INPP5A: variants seen among roughly 807,000 people sequenced by gnomAD.
INPP5A encodes the protein 43 kDa inositol polyphosphate 5-phophatase.
In INPP5A, 14 loss-of-function variants were observed where a neutral mutation model predicts 65.2. That is an observed-to-expected ratio of 0.21 (90% CI 0.14 to 0.34). INPP5A has a LOEUF of 0.34. INPP5A is among the 10% of genes least tolerant of loss of function. The probability of loss-of-function intolerance (pLI) is 1.00; values close to 1 mark genes in which losing one functional copy is unlikely to be tolerated. For synonymous variants in INPP5A, 207 were observed against 208.3 expected, an observed-to-expected ratio of 0.99 and a Z score of 0.05; for missense variants, 431 against 545.6, an observed-to-expected ratio of 0.79 and a Z score of 2.09.
rs112665277 is a variant in INPP5A, at chr10:132,674,656, A to G, written c.307-15736A>G. 6.7e-3 allele frequency among the ~76,000 whole-genome samples: 1,015 copies of G among 152,238 alleles called. 11 individuals carry two copies. Among genetic ancestry groups the G allele is most frequent in the African/African-American group, 0.023 (961 of 41,528 alleles). ...GACTTAATCAAGCCCAATCACATAC[A>G]TGCCACTTCCATTTGATGATGGAAT... On this transcript the variant is annotated intron_variant, in intron 4 of 15. Coordinates refer to ENST00000368594, the MANE Select transcript of INPP5A (RefSeq NM_005539.5). The surrounding 1 kb of genome is among the most constrained non-coding windows in gnomAD (Gnocchi z 4.4).
intron 2 of INPP5A, among the ~76,000 whole-genome samples, chr10:132,623,801 A>G (rs748330262): frequency 5.9e-5 from 9 of 152,258 alleles, no homozygotes; most frequent in Non-Finnish European, 8.8e-5. Flanking sequence ...AAAGCCAATA[A>G]TAAGAAAGCA....
Position 132,547,691 on chromosome 10 carries a change from G to T in INPP5A, c.75+9520G>T, listed in dbSNP as rs2070995809. Reference sequence around the variant, plus strand: ...AGCTTGAGGGGCTCTTTTTTCAAAGGGTTCCTCCGGGACGCCTCGCCTAGG... The same window carrying T: ...AGCTTGAGGGGCTCTTTTTTCAAAGTGTTCCTCCGGGACGCCTCGCCTAGG... On this transcript the variant is annotated intron_variant, in intron 1 of 15. Transcript: ENST00000368594. This position sits in a 1 kb window ranked among gnomAD's most constrained non-coding sequence, Gnocchi z 5.5. 6.6e-6 allele frequency among the ~76,000 whole-genome samples: 1 copy of T among 152,068 alleles called. No homozygotes were observed. The highest frequency in any genetic ancestry group is 1.5e-5 in the Non-Finnish European group (1 of 68,000).
intron 8 of INPP5A, among the ~76,000 whole-genome samples, chr10:132,713,580 C>G (rs1195872813): frequency 6.6e-6 from 1 of 152,130 alleles, no homozygotes; most frequent in East Asian, 1.9e-4. Context: ...GGCCCCTTAT[C>G]CCCTCTGACC....
At chr10:132,643,758 G>A (rs1241446461) in intron 2 of INPP5A, among the ~76,000 whole-genome samples, 7 of 152,186 alleles carry the variant, frequency 4.6e-5, no homozygotes, top group Non-Finnish European at 1.0e-4. Flanking sequence ...AAAAGCCAGC[G>A]TCGGTTCCTG....
In INPP5A at chr10:132,768,000, C is replaced by T. The variant is rs1426411338; in HGVS notation, c.977+2154C>T. On this transcript the variant is annotated intron_variant, in intron 12 of 15. Transcript: ENST00000368594. ...ACCCTCAGTGTTCCCAGGGTGCCCA[C>T]GTGCCCAGTGGCATTTCAGAAAGAT... is the stretch of plus-strand genomic sequence containing the variant. Among the ~76,000 whole-genome samples, 11 of 133,686 alleles carry T rather than the reference C, an allele frequency of 8.2e-5. 1 individual carries two copies. Among genetic ancestry groups the T allele is most frequent in the African/African-American group, 1.2e-4 (4 of 34,404 alleles). The allele number at this position is 133,686 out of a possible 152,430, so 87.7% of individuals were successfully genotyped here. A position where few individuals can be genotyped will look rare whatever the true frequency, so the allele number is the denominator to read the frequency against.
chr10:132,645,932 A>G lies in INPP5A; in HGVS notation c.182A>G (p.Tyr61Cys). The G allele has an allele frequency of 6.2e-7, 1 of 1,614,028 alleles. No individual in the cohort carries two copies. The highest frequency in any genetic ancestry group is 8.5e-7 in the Non-Finnish European group (1 of 1,179,942). Reference sequence around the variant, plus strand: ...TGTCAGGAGTTTGGAGGGAAGAACTACGAGGCCTCCATGTCCCACGTGGAC... The same window carrying G: ...TGTCAGGAGTTTGGAGGGAAGAACTGCGAGGCCTCCATGTCCCACGTGGAC... Reference protein sequence around the residue: ...LHCQEFGGKNYEASMSHVDKF... With the variant: ...LHCQEFGGKNCEASMSHVDKF... The change falls in exon 3 of 16, where the codon TAC becomes TGC. Residue 61 changes from tyrosine (Y) to cysteine (C), a missense_variant. Coordinates refer to ENST00000368594, the MANE Select transcript of INPP5A (RefSeq NM_005539.5).
intron 4 of INPP5A, among the ~76,000 whole-genome samples, chr10:132,686,668 A>G (rs1028954132): frequency 1.3e-5 from 2 of 152,214 alleles, no homozygotes; most frequent in African/African-American, 4.8e-5. Flanking sequence ...CTGGCAATTT[A>G]TTTTTCACTT....
intron 9 of INPP5A, among the ~76,000 whole-genome samples, chr10:132,731,447 G>A (rs897037263): frequency 1.3e-5 from 2 of 151,392 alleles, no homozygotes; most frequent in East Asian, 1.9e-4. Context: ...GAGTGACCGC[G>A]TCCCTGCCCC....
At chr10:132,711,226 A>G (rs1403996767) in intron 8 of INPP5A, among the ~76,000 whole-genome samples, 3 of 152,076 alleles carry the variant, frequency 2.0e-5, no homozygotes, top group South Asian at 2.1e-4. Flanking sequence ...GGGCTGCTCC[A>G]CCGGTGATAC....
chr10:132,759,969 C>T (rs1001333245), intron 11 of INPP5A, among the ~76,000 whole-genome samples: 9 of 152,214 alleles, frequency 5.9e-5, no homozygotes, highest in Non-Finnish European at 1.2e-4. Flanking sequence ...CTTCGGTGCT[C>T]AGCCACGCAG....
chr10:132,724,495 G>A (rs555537762), intron 8 of INPP5A, among the ~76,000 whole-genome samples: 26 of 152,346 alleles, frequency 1.7e-4, no homozygotes, highest in African/African-American at 5.5e-4. Context: ...CCTGACAGAA[G>A]CCACCACAGG....
intron 4 of INPP5A, among the ~76,000 whole-genome samples, chr10:132,657,418 G>A (rs1450575677): frequency 6.6e-6 from 1 of 152,224 alleles, no homozygotes; most frequent in Non-Finnish European, 1.5e-5. Context: ...CCGCGGCTGG[G>A]TCTGTGGAGA....
chr10:132,543,191 A>T (rs557050080), intron 1 of INPP5A, among the ~76,000 whole-genome samples: 1 of 152,236 alleles, frequency 6.6e-6, no homozygotes, highest in South Asian at 2.1e-4. Flanking sequence ...CAATTGTAGA[A>T]CATTTTTATC....
intron 8 of INPP5A, among the ~76,000 whole-genome samples, chr10:132,720,668 G>A (rs538417550): frequency 4.0e-5 from 6 of 149,220 alleles, no homozygotes; most frequent in African/African-American, 1.5e-4. Context: ...TCAGGGTTCT[G>A]TGGTACCTGG....
At chr10:132,700,900 C>T (rs1845426243) in intron 6 of INPP5A, among the ~76,000 whole-genome samples, 1 of 152,148 alleles carries the variant, frequency 6.6e-6, no homozygotes, top group African/African-American at 2.4e-5. Flanking sequence ...CCTCTGGGAG[C>T]CACACTCCAG....
At chr10:132,736,928 CT>C (rs1288168781) in intron 9 of INPP5A, among the ~76,000 whole-genome samples, 3 of 152,272 alleles carry the variant, frequency 2.0e-5, no homozygotes. Context: ...CCTCTGCCCC[CT>C]GATCCCTCAG....
chr10:132,609,439 C>CGG (rs1484301528), intron 2 of INPP5A, among the ~76,000 whole-genome samples: 1 of 152,040 alleles, frequency 6.6e-6, no homozygotes, highest in Non-Finnish European at 1.5e-5. Context: ...GTGTGCCTGT[C>CGG]GGGGAGACCC....
chr10:132,564,513 A>G (rs777602355), intron 1 of INPP5A, among the ~76,000 whole-genome samples: 4 of 152,032 alleles, frequency 2.6e-5, no homozygotes, highest in Admixed American at 6.5e-5. Context: ...TCACCGGCCC[A>G]GGGCTCAGCT....
At chr10:132,662,443 G>T (rs753408704) in intron 4 of INPP5A, among the ~76,000 whole-genome samples, 2 of 152,212 alleles carry the variant, frequency 1.3e-5, no homozygotes, top group African/African-American at 2.4e-5. Flanking sequence ...GTACACCGTG[G>T]TGTGTCAGCT....
Sources: allele counts gnomAD v4.1 joint callset (sites outside exome capture counted in the v4.1 genomes callset), GRCh38; gene constraint gnomAD v4.1.1; non-coding constraint Gnocchi (gnomAD v3.1); transcripts MANE v1.5; gene names NCBI Gene and HGNC (gene_info 2026-07-23, HGNC 2026-07-21).